NRXN3: variants seen among roughly 807,000 people sequenced by gnomAD.
The protein encoded by NRXN3 is neurexin III.
A neutral mutation model predicts 137.6 loss-of-function variants in NRXN3; 32 were observed. The ratio of observed to expected loss-of-function variants is 0.23; its 90% confidence interval spans 0.18 to 0.31. The LOEUF is 0.31. Ranked by LOEUF, NRXN3 falls within the 10% of genes least tolerant of loss-of-function variation. NRXN3 has a pLI of 1.00. For missense variants in NRXN3, 1,574 were observed against 2,062.5 expected (o/e 0.76, Z 4.59); for synonymous variants, 798 against 784.5 (o/e 1.02, Z -0.29).
At chr14:78,396,727 A>G (rs2091493355) in intron 4 of NRXN3, among the ~76,000 whole-genome samples, 1 of 151,894 alleles carries the variant, frequency 6.6e-6, no homozygotes, top group South Asian at 2.1e-4. Flanking sequence ...GCAAGATGTC[A>G]TTTTTCTCTG....
At chr14:78,758,327 G>A (rs957205807) in intron 8 of NRXN3, among the ~76,000 whole-genome samples, 1 of 152,178 alleles carries the variant, frequency 6.6e-6, no homozygotes, top group Non-Finnish European at 1.5e-5. Flanking sequence ...TAATCACTGT[G>A]CTCTAAAAAT....
At chr14:79,584,784 T>G (rs1260344919) in intron 16 of NRXN3, among the ~76,000 whole-genome samples, 1 of 152,108 alleles carries the variant, frequency 6.6e-6, no homozygotes, top group East Asian at 1.9e-4. Flanking sequence ...TCACTGAGAT[T>G]GTGCACAGCA....
In NRXN3 at chr14:78,956,723, T is replaced by C. The variant is rs569163566; in HGVS notation, c.2276-519T>C. Among the ~76,000 whole-genome samples, 9 of 152,322 alleles carry C rather than the reference T, an allele frequency of 5.9e-5. 1 individual carries two copies. The South Asian group carries it at 6.2e-4, about 11-fold the overall frequency. ...CTATTGTGATTTCTATGGTCGTGAA[T>C]CCTAGTAGGACCCTGTGTTAATGGA... On this transcript the variant is annotated intron_variant, in intron 10 of 20. Coordinates refer to ENST00000335750, the MANE Select transcript of NRXN3 (RefSeq NM_001330195.2).
intron 8 of NRXN3, among the ~76,000 whole-genome samples, chr14:78,778,677 C>CTTTTCT (rs2098753006): frequency 8.4e-6 from 1 of 119,146 alleles, no homozygotes; most frequent in Non-Finnish European, 1.8e-5. Flanking sequence ...TTTCTCTTTT[C>CTTTTCT]TTTTCTTTCT....
At chr14:78,573,879 A>G (rs1437594290) in intron 4 of NRXN3, among the ~76,000 whole-genome samples, 1 of 152,250 alleles carries the variant, frequency 6.6e-6, no homozygotes, top group Non-Finnish European at 1.5e-5. Context: ...AAACGTATCC[A>G]AGATATTCAG....
intron 1 of NRXN3, among the ~76,000 whole-genome samples, chr14:78,219,767 T>C (rs1186714882): frequency 6.6e-6 from 1 of 152,198 alleles, no homozygotes; most frequent in East Asian, 1.9e-4. Flanking sequence ...AGTGATCTCT[T>C]TAAATGTGAG....
At chr14:78,263,048 C>T (rs920698814) in intron 2 of NRXN3, among the ~76,000 whole-genome samples, 3 of 31,014 alleles carry the variant, frequency 9.7e-5, no homozygotes, top group African/African-American at 6.4e-4. Context: ...TTGGTGAAGT[C>T]ACTTTTTTTT....
At chr14:78,526,336 G>A (rs1048927235) in intron 4 of NRXN3, among the ~76,000 whole-genome samples, 1 of 152,148 alleles carries the variant, frequency 6.6e-6, no homozygotes, top group African/African-American at 2.4e-5. Flanking sequence ...AGACCCCTGG[G>A]CCTCAAACTT....
At chr14:79,624,649 T>C (rs1307238310) in intron 16 of NRXN3, among the ~76,000 whole-genome samples, 1 of 152,104 alleles carries the variant, frequency 6.6e-6, no homozygotes, top group Non-Finnish European at 1.5e-5. Flanking sequence ...TGTAACTTTG[T>C]ACCCTTTAAC....
chr14:79,762,110 A>G (rs1202880213), intron 19 of NRXN3, among the ~76,000 whole-genome samples: 3 of 151,622 alleles, frequency 2.0e-5, no homozygotes, highest in Non-Finnish European at 1.5e-5. Context: ...AACTGCCTTT[A>G]TGGAGTTCTG....
At chr14:79,126,327 G>GC (rs1041148056) in intron 15 of NRXN3, among the ~76,000 whole-genome samples, 2 of 66,470 alleles carry the variant, frequency 3.0e-5, no homozygotes, top group African/African-American at 5.7e-5. Flanking sequence ...CCTCCCCCCC[G>GC]CCCCACCCCA....
intron 4 of NRXN3, among the ~76,000 whole-genome samples, chr14:78,574,658 T>C (rs960440199): frequency 6.6e-6 from 1 of 152,248 alleles, no homozygotes; most frequent in Non-Finnish European, 1.5e-5. Flanking sequence ...TGTAACCCCA[T>C]TGTATCTAAG....
At chr14:79,518,052 A>G (rs2097015423) in intron 16 of NRXN3, among the ~76,000 whole-genome samples, 1 of 151,000 alleles carries the variant, frequency 6.6e-6, no homozygotes, top group Non-Finnish European at 1.5e-5. Context: ...ATTACAGGCA[A>G]GCGCCACCAC....
At chr14:79,086,268 A>G (rs998282149) in intron 15 of NRXN3, among the ~76,000 whole-genome samples, 1 of 152,064 alleles carries the variant, frequency 6.6e-6, no homozygotes, top group Admixed American at 6.6e-5. Flanking sequence ...AGGCAAAGTC[A>G]TTTTCTCAAG....
chr14:79,531,160 G>A (rs1377296739), intron 16 of NRXN3, among the ~76,000 whole-genome samples: 1 of 152,148 alleles, frequency 6.6e-6, no homozygotes, highest in Non-Finnish European at 1.5e-5. Context: ...CTTTGAAGTA[G>A]GAAAGTCCCA....
chr14:79,760,463 G>C (rs1244811558), intron 19 of NRXN3, among the ~76,000 whole-genome samples: 13 of 145,296 alleles, frequency 8.9e-5, no homozygotes, highest in African/African-American at 3.1e-4. Flanking sequence ...TAACGCAGCT[G>C]TTTGGCCCGT....
At chr14:78,991,628 A>G (rs1324222989) in intron 15 of NRXN3, among the ~76,000 whole-genome samples, 1 of 152,210 alleles carries the variant, frequency 6.6e-6, no homozygotes, top group Admixed American at 6.5e-5. Flanking sequence ...TAGGTCTTAT[A>G]TTTTCCAAAA....
chr14:79,858,701 C>T (rs111482356), intron 20 of NRXN3, among the ~76,000 whole-genome samples: 3 of 152,180 alleles, frequency 2.0e-5, no homozygotes, highest in South Asian at 2.1e-4. Flanking sequence ...GAAATCCTTA[C>T]GGAAGCTTTA....
chr14:78,778,796 CTT>C (rs1464716049), intron 8 of NRXN3, among the ~76,000 whole-genome samples: 1 of 119,868 alleles, frequency 8.3e-6, no homozygotes, highest in Non-Finnish European at 1.7e-5. Context: ...TTCTTTCTTT[CTT>C]TCTTTCTTTC....
Sources: gnomAD v4.1 joint callset for allele counts (sites outside exome capture counted in the v4.1 genomes callset) on GRCh38, gnomAD v4.1.1 for gene constraint, MANE v1.5 for transcripts, NCBI Gene and HGNC (gene_info 2026-07-23, HGNC 2026-07-21) for gene names.